Variants in ZNF469 observed in about 807,000 individuals in gnomAD.
ZNF469 encodes zinc finger protein 469.
Under a neutral mutation model 1.0 loss-of-function variants are expected in ZNF469, and 1 was observed. The ratio of observed to expected loss-of-function variants is 1.00; its 90% confidence interval spans 0.35 to 4.73. ZNF469 has a LOEUF of 4.73. Among genes scored for constraint, ZNF469 ranks in the 30% most tolerant of loss-of-function variants. ZNF469 has a pLI of 0.16. For missense variants in ZNF469, 6,100 were observed against 5,356.3 expected, an observed-to-expected ratio of 1.14 and a Z score of -4.33; for synonymous variants, 2,703 against 2,363.4, an observed-to-expected ratio of 1.14 and a Z score of -4.17.
intron 1 of ZNF469, among the ~76,000 whole-genome samples, chr16:88,391,266 G>A (rs1232766533): frequency 6.6e-6 from 1 of 152,256 alleles, no homozygotes; most frequent in African/African-American, 2.4e-5. Flanking sequence ...ACCCCGTGGA[G>A]AAAGGAAAGA....
the ZNF469 span, among the ~76,000 whole-genome samples, chr16:88,377,797 G>A: frequency 7.9e-5 from 12 of 152,098 alleles, no homozygotes; most frequent in Non-Finnish European, 1.2e-4. Flanking sequence ...CCCCTCAAGC[G>A]CTGGCCTGCA....
the ZNF469 span, among the ~76,000 whole-genome samples, chr16:88,111,213 C>A: frequency 1.3e-5 from 2 of 152,238 alleles, no homozygotes; most frequent in South Asian, 4.1e-4. Flanking sequence ...ACTAAAACCA[C>A]TCCCCGCAGT....
chr16:88,273,850 G>C, the ZNF469 span, among the ~76,000 whole-genome samples: 5 of 144,236 alleles, frequency 3.5e-5, no homozygotes, highest in Non-Finnish European at 6.0e-5. Flanking sequence ...TGTCGCCCAG[G>C]CTGGAGTGCA....
chr16:88,108,624 A>G, the ZNF469 span, among the ~76,000 whole-genome samples: 8 of 152,202 alleles, frequency 5.3e-5, no homozygotes, highest in Admixed American at 5.2e-4. Context: ...AAGGGTCCCC[A>G]CTTCAGTGTG....
At chr16:88,317,580 G>A in the ZNF469 span, among the ~76,000 whole-genome samples, 1 of 152,204 alleles carries the variant, frequency 6.6e-6, no homozygotes, top group Non-Finnish European at 1.5e-5. Context: ...CCATCGTGCT[G>A]AGGCTTGGGT....
At chr16:88,393,220 A>C (rs1477750125) in intron 1 of ZNF469, among the ~76,000 whole-genome samples, 1 of 152,260 alleles carries the variant, frequency 6.6e-6, no homozygotes, top group Non-Finnish European at 1.5e-5. Flanking sequence ...CCAGCGGAAG[A>C]AAAGCCGCCA....
the ZNF469 span, among the ~76,000 whole-genome samples, chr16:88,336,053 C>A: frequency 1.3e-5 from 2 of 151,762 alleles, no homozygotes; most frequent in African/African-American, 4.8e-5. Context: ...CACACACGTT[C>A]ATCCTTCACA....
At chr16:88,112,833 A>T in the ZNF469 span, among the ~76,000 whole-genome samples, 1 of 116,876 alleles carries the variant, frequency 8.6e-6, no homozygotes, top group Non-Finnish European at 1.6e-5. Flanking sequence ...GCTGGAGTGC[A>T]GTGGCACGAT....
At chr16:88,189,268 G>A in the ZNF469 span, among the ~76,000 whole-genome samples, 453 of 152,302 alleles carry the variant, frequency 3.0e-3, 4 homozygotes, top group African/African-American at 0.01. The surrounding 1 kb of genome is among the most constrained non-coding windows in gnomAD (Gnocchi z 4.3). Context: ...AGAGCTGGAG[G>A]GATAAGGATG....
chr16:88,249,363 C>A, the ZNF469 span, among the ~76,000 whole-genome samples: 1 of 151,422 alleles, frequency 6.6e-6, no homozygotes, highest in Non-Finnish European at 1.5e-5. Flanking sequence ...AAGCAGGACT[C>A]CCAAGATGGG....
chr16:88,101,580 G>A, the ZNF469 span, among the ~76,000 whole-genome samples: 2 of 151,178 alleles, frequency 1.3e-5, no homozygotes, highest in South Asian at 2.1e-4. Flanking sequence ...AACAAAGTGT[G>A]GAGGCAGAAG....
chr16:88,218,119 T>C, the ZNF469 span, among the ~76,000 whole-genome samples: 1 of 147,856 alleles, frequency 6.8e-6, no homozygotes, highest in Non-Finnish European at 1.5e-5. Context: ...TCCTGACTTT[T>C]TAATGATTGC....
chr16:88,127,326 A>G, the ZNF469 span, among the ~76,000 whole-genome samples: 1 of 152,090 alleles, frequency 6.6e-6, no homozygotes, highest in East Asian at 1.9e-4. Flanking sequence ...TCTTCCTTAA[A>G]TGTCTAATAG....
the ZNF469 span, among the ~76,000 whole-genome samples, chr16:88,365,726 G>A: frequency 1.3e-5 from 2 of 152,206 alleles, no homozygotes; most frequent in African/African-American, 4.8e-5. Flanking sequence ...TCAGGGCTGA[G>A]TGTGGTTGCA....
chr16:88,393,394 G>A (rs114630798), intron 1 of ZNF469, among the ~76,000 whole-genome samples: 1,696 of 152,328 alleles, frequency 0.011, 41 homozygotes, highest in African/African-American at 0.039. Flanking sequence ...CACACCAGCA[G>A]CCTGCTTTGC....
At position 88,432,141 on chromosome 16, in the gene ZNF469, G is replaced by A. The variant is rs1821306020; in HGVS notation, c.4671G>A (p.Leu1557=). 6.5e-7 allele frequency: 1 copy of A among 1,550,278 alleles called. No homozygotes were observed. Among genetic ancestry groups the A allele is most frequent in the African/African-American group, 1.4e-5 (1 of 73,042 alleles). ...SGCSVALMSH[L]SEDELEIQKL... ...GTAGCGTTGCTCTTATGAGTCACCT[G>A]TCCGAGGATGAACTGGAGATCCAGA... The change falls in exon 3 of 3, where the codon CTG becomes CTA. Residue 1557 remains leucine, a synonymous_variant. Coordinates refer to ENST00000565624, the MANE Select transcript of ZNF469 (RefSeq NM_001367624.2).
the ZNF469 span, among the ~76,000 whole-genome samples, chr16:88,218,344 C>T: frequency 2.0e-5 from 3 of 149,276 alleles, no homozygotes; most frequent in Admixed American, 1.3e-4. Flanking sequence ...GGATATTAGC[C>T]CTTTGTCAGA....
the ZNF469 span, among the ~76,000 whole-genome samples, chr16:88,355,348 G>A: frequency 6.6e-6 from 1 of 152,208 alleles, no homozygotes; most frequent in African/African-American, 2.4e-5. Flanking sequence ...AAACAAAGAA[G>A]CTAAACTGGG....
At chr16:88,170,912 A>T in the ZNF469 span, among the ~76,000 whole-genome samples, 3 of 120,582 alleles carry the variant, frequency 2.5e-5, no homozygotes, top group African/African-American at 1.1e-4. This position sits in a 1 kb window ranked among gnomAD's most constrained non-coding sequence, Gnocchi z 4.2. Flanking sequence ...ACCCAGCACC[A>T]GGGGTAGCGG....
Sources: gnomAD v4.1 joint callset for allele counts (sites outside exome capture counted in the v4.1 genomes callset) on GRCh38, gnomAD v4.1.1 for gene constraint, Gnocchi (gnomAD v3.1) non-coding constraint, MANE v1.5 for transcripts, NCBI Gene and HGNC (gene_info 2026-07-23, HGNC 2026-07-21) for gene names.